The following TBC1D22A variants were observed in gnomAD, a reference collection of about 807,000 sequenced individuals.
TBC1D22A encodes TBC1 domain family member 22A.
TBC1D22A carries 38 observed loss-of-function variants against 60.2 expected under a neutral mutation model. The ratio of observed to expected loss-of-function variants is 0.63; its 90% CI spans 0.49 to 0.83. TBC1D22A has a LOEUF of 0.83. TBC1D22A is among the 40% of genes least tolerant of loss of function. TBC1D22A has a pLI of 0.00. For synonymous variants in TBC1D22A, 302 were observed against 281.7 expected, an observed-to-expected ratio of 1.07 and a Z score of -0.72; for missense variants, 628 against 701.0, an observed-to-expected ratio of 0.90 and a Z score of 1.18.
At chr22:46,905,724 C>G (rs999537814) in intron 7 of TBC1D22A, among the ~76,000 whole-genome samples, 2 of 152,194 alleles carry the variant, frequency 1.3e-5, no homozygotes, top group Non-Finnish European at 2.9e-5. Flanking sequence ...TGTCCTGAAC[C>G]TAGGGGCCAA....
intron 10 of TBC1D22A, among the ~76,000 whole-genome samples, chr22:47,036,811 G>C (rs535893810): frequency 1.4e-4 from 22 of 152,334 alleles, no homozygotes; most frequent in Non-Finnish European, 2.5e-4. Context: ...GGGTGTTAGG[G>C]CGTGAAGCAC....
intron 10 of TBC1D22A, among the ~76,000 whole-genome samples, chr22:47,036,466 G>A (rs565111354): frequency 8.5e-5 from 13 of 152,338 alleles, no homozygotes; most frequent in East Asian, 1.9e-4. Flanking sequence ...TGGTGTGAGC[G>A]TGTGCTTCTG....
At chr22:47,149,584 G>C (rs958847785) in intron 12 of TBC1D22A, among the ~76,000 whole-genome samples, 2 of 152,350 alleles carry the variant, frequency 1.3e-5, no homozygotes, top group Non-Finnish European at 1.5e-5. Flanking sequence ...GGACTAGTGG[G>C]GAAGGGACAC....
chr22:46,865,065 C>T (rs553685921), intron 4 of TBC1D22A, among the ~76,000 whole-genome samples: 1 of 152,350 alleles, frequency 6.6e-6, no homozygotes, highest in South Asian at 2.1e-4. Context: ...GGTCATACCT[C>T]TGAAATCTTT....
In TBC1D22A at chr22:47,154,405, C is replaced by G. The variant is rs372380124; in HGVS notation, c.1426-19093C>G. Among the ~76,000 whole-genome samples, 9 of 152,324 alleles carry G rather than the reference C, an allele frequency of 5.9e-5. No homozygotes were observed. The East Asian group carries it at 1.7e-3, about 29-fold the overall frequency. ...CCGTAGCTGCAGCCTTTACTTGTCA[C>G]GCGCGGGACACTGTCATGGCCTGGA... On this transcript the variant is annotated intron_variant, in intron 12 of 12. Coordinates refer to ENST00000337137, the MANE Select transcript of TBC1D22A (RefSeq NM_014346.5).
intron 12 of TBC1D22A, among the ~76,000 whole-genome samples, chr22:47,113,151 C>T (rs987299421): frequency 6.6e-6 from 1 of 152,230 alleles, no homozygotes; most frequent in African/African-American, 2.4e-5. Flanking sequence ...CTCTGGTGCA[C>T]AGCGGCCACT....
At chr22:46,976,643 C>T (rs1272022141) in intron 9 of TBC1D22A, among the ~76,000 whole-genome samples, 1 of 152,228 alleles carries the variant, frequency 6.6e-6, no homozygotes, top group Non-Finnish European at 1.5e-5. Context: ...CTTACTGTCT[C>T]CATTTCATTC....
chr22:46,869,907 C>T (rs552178150), intron 4 of TBC1D22A, among the ~76,000 whole-genome samples: 16 of 152,208 alleles, frequency 1.1e-4, no homozygotes, highest in Non-Finnish European at 2.4e-4. Context: ...TCTTTGCATA[C>T]ACCACTTTGT....
intron 12 of TBC1D22A, among the ~76,000 whole-genome samples, chr22:47,151,296 G>A (rs745949949): frequency 1.1e-4 from 17 of 152,304 alleles, no homozygotes; most frequent in Non-Finnish European, 1.8e-4. Flanking sequence ...GCAGGCCAGC[G>A]GCTTCCCGGC....
intron 10 of TBC1D22A, among the ~76,000 whole-genome samples, chr22:47,036,293 G>A (rs1382976984): frequency 6.6e-6 from 1 of 152,220 alleles, no homozygotes; most frequent in Non-Finnish European, 1.5e-5. Context: ...CTCATGGGCA[G>A]AATGTTGGAA....
At chr22:47,128,785 A>C (rs1289536278) in intron 12 of TBC1D22A, among the ~76,000 whole-genome samples, 1 of 152,150 alleles carries the variant, frequency 6.6e-6, no homozygotes, top group Non-Finnish European at 1.5e-5. Context: ...CCGGGCAAGC[A>C]CCTGGCGACG....
chr22:46,853,179 C>G (rs1231026406), intron 4 of TBC1D22A, among the ~76,000 whole-genome samples: 1 of 152,168 alleles, frequency 6.6e-6, no homozygotes, highest in Non-Finnish European at 1.5e-5. Flanking sequence ...TTGCCCCTCT[C>G]TGCCTTCATC....
chr22:46,904,006 A>G (rs1365107586), intron 7 of TBC1D22A, among the ~76,000 whole-genome samples: 2 of 151,856 alleles, frequency 1.3e-5, no homozygotes, highest in Non-Finnish European at 2.9e-5. Flanking sequence ...GTAGACTTTG[A>G]AAATGCTTAT....
In TBC1D22A at chr22:46,769,316, G is replaced by T. The variant is rs2083406870; in HGVS notation, c.62+6468G>T. Among the ~76,000 whole-genome samples the T allele has an allele frequency of 2.0e-5, 3 of 152,330 alleles. No individual in the cohort carries two copies. In the South Asian group the frequency reaches 6.2e-4, roughly 32 times the overall value. ...CAGTCCGTCCTCAGCCGAAGGAGAG[G>T]CACTGTTGGGGATAATGAATTCATT... On this transcript the variant is annotated intron_variant, in intron 1 of 12. Transcript: ENST00000337137.
intron 8 of TBC1D22A, among the ~76,000 whole-genome samples, chr22:46,936,844 A>G (rs1283088517): frequency 6.6e-6 from 1 of 152,250 alleles, no homozygotes; most frequent in African/African-American, 2.4e-5. Flanking sequence ...TTTAACTCAA[A>G]GTAAAAACAA....
At chr22:46,916,510 G>T (rs758393618) in intron 8 of TBC1D22A, among the ~76,000 whole-genome samples, 7 of 152,240 alleles carry the variant, frequency 4.6e-5, no homozygotes, top group Non-Finnish European at 7.3e-5. Context: ...GCATGCTCTT[G>T]CACACACACA....
chr22:47,060,866 G>A (rs1340883319), intron 11 of TBC1D22A, among the ~76,000 whole-genome samples: 1 of 152,192 alleles, frequency 6.6e-6, no homozygotes, highest in Non-Finnish European at 1.5e-5. Flanking sequence ...TTAGCGCCAT[G>A]CCGCTCGACT....
chr22:46,918,041 G>A (rs145747188), intron 8 of TBC1D22A, among the ~76,000 whole-genome samples: 3 of 151,698 alleles, frequency 2.0e-5, no homozygotes, highest in Non-Finnish European at 4.4e-5. Flanking sequence ...AGTGATCTCT[G>A]CAGTGGACAC....
chr22:46,960,125 G>T (rs2073415872), intron 8 of TBC1D22A, among the ~76,000 whole-genome samples: 1 of 152,200 alleles, frequency 6.6e-6, no homozygotes, highest in Admixed American at 6.5e-5. Flanking sequence ...AGTCTCTTCT[G>T]TTACCTCCAA....
Sources: allele counts gnomAD v4.1 joint callset (sites outside exome capture counted in the v4.1 genomes callset), GRCh38; gene constraint gnomAD v4.1.1; transcripts MANE v1.5; gene names NCBI Gene and HGNC (gene_info 2026-07-23, HGNC 2026-07-21).